The following CCNY variants were observed in gnomAD, a reference collection of about 807,000 sequenced individuals.
CCNY encodes the protein cyclin Y.
A neutral mutation model predicts 42.8 loss-of-function variants in CCNY; 19 were observed. The observed-to-expected ratio is 0.44, with a 90% CI of 0.31 to 0.65. CCNY has a LOEUF of 0.65. Among genes scored for constraint, CCNY ranks in the 30% least tolerant of loss-of-function variants. CCNY has a pLI of 0.07. For synonymous variants in CCNY, 165 were observed against 162.7 expected (o/e 1.01, Z -0.11); for missense variants, 370 against 437.3 (o/e 0.85, Z 1.37).
At chr10:35,452,416 C>G (rs567317267) in intron 1 of CCNY, among the ~76,000 whole-genome samples, 1 of 152,320 alleles carries the variant, frequency 6.6e-6, no homozygotes, top group South Asian at 2.1e-4. Context: ...TAGTTCCTGT[C>G]AGATCAGTAA....
chr10:35,447,370 CAGG>C (rs1838815650), intron 1 of CCNY, among the ~76,000 whole-genome samples: 2 of 152,134 alleles, frequency 1.3e-5, no homozygotes, highest in African/African-American at 4.8e-5. Flanking sequence ...TTCAAAAAGA[CAGG>C]AGGCTTTACT....
chr10:35,543,705 TA>T (rs1055630177), intron 7 of CCNY, among the ~76,000 whole-genome samples: 88 of 130,744 alleles, frequency 6.7e-4, no homozygotes, highest in Admixed American at 1.1e-3. Context: ...CTACTTATTT[TA>T]AAAAAAAAAA....
At chr10:35,409,436 A>AG (rs916234807) in intron 1 of CCNY, among the ~76,000 whole-genome samples, 1 of 152,174 alleles carries the variant, frequency 6.6e-6, no homozygotes, top group Non-Finnish European at 1.5e-5. Context: ...CATCTGTGTT[A>AG]GGGCCAATAC....
intron 1 of CCNY, among the ~76,000 whole-genome samples, chr10:35,482,539 A>G (rs1839691612): frequency 6.6e-6 from 1 of 152,136 alleles, no homozygotes; most frequent in African/African-American, 2.4e-5. Flanking sequence ...AGCTTGTTCT[A>G]AGAGTTCTAA....
intron 1 of CCNY, among the ~76,000 whole-genome samples, chr10:35,440,498 G>A (rs1174852211): frequency 1.3e-5 from 2 of 152,194 alleles, no homozygotes; most frequent in Non-Finnish European, 2.9e-5. Context: ...AAAACAGCCT[G>A]GCCTGGATCT....
intron 1 of CCNY, among the ~76,000 whole-genome samples, chr10:35,438,034 G>A (rs945659579): frequency 3.3e-5 from 5 of 152,022 alleles, no homozygotes; most frequent in African/African-American, 9.7e-5. Context: ...ACCAGCTTCT[G>A]TGTGTCTCTC....
At chr10:35,540,854 C>T (rs950248737) in intron 7 of CCNY, among the ~76,000 whole-genome samples, 2 of 152,086 alleles carry the variant, frequency 1.3e-5, no homozygotes, top group Non-Finnish European at 2.9e-5. Context: ...TCTGTAAAGT[C>T]TATAATGTCC....
chr10:35,514,969 G>A (rs766697247), intron 3 of CCNY, among the ~76,000 whole-genome samples: 3 of 152,138 alleles, frequency 2.0e-5, no homozygotes, highest in East Asian at 1.9e-4. Context: ...GCTTTAGTGC[G>A]TCTTCTGTGA....
chr10:35,540,814 C>G (rs1184167469), intron 7 of CCNY, among the ~76,000 whole-genome samples: 1 of 152,106 alleles, frequency 6.6e-6, no homozygotes, highest in Admixed American at 6.6e-5. Context: ...TGCAGTTGTT[C>G]CACAGTATTC....
intron 7 of CCNY, among the ~76,000 whole-genome samples, chr10:35,533,772 G>A (rs1461774700): frequency 2.0e-5 from 3 of 152,188 alleles, no homozygotes; most frequent in African/African-American, 7.2e-5. Context: ...TAAGCCCCAT[G>A]CGTAAGAAAT....
At chr10:35,271,732 TA>T (rs770224237) in intron 3 of CCNY, among the ~76,000 whole-genome samples, 125 of 152,266 alleles carry the variant, frequency 8.2e-4, no homozygotes, top group Middle Eastern at 3.4e-3. Context: ...CTGGGGCTTG[TA>T]ATCCATTTCC....
chr10:35,498,867 T>C (rs1253073307), intron 2 of CCNY, among the ~76,000 whole-genome samples: 1 of 152,214 alleles, frequency 6.6e-6, no homozygotes, highest in Non-Finnish European at 1.5e-5. Flanking sequence ...CCCAGGTTGC[T>C]CTGAGGAAAT....
intron 3 of CCNY, among the ~76,000 whole-genome samples, chr10:35,278,120 A>C (rs1311269406): frequency 6.6e-6 from 1 of 152,096 alleles, no homozygotes. Flanking sequence ...TCGGGAGAAG[A>C]GGGGAAGAGA....
In CCNY at chr10:35,464,409, C is replaced by T. The variant is rs114490866; in HGVS notation, c.155-18995C>T. 5.0e-3 allele frequency among the ~76,000 whole-genome samples: 767 copies of T among 152,234 alleles called. 8 individuals carry two copies. The highest frequency in any genetic ancestry group is 0.016 in the African/African-American group (683 of 41,542). On this transcript the variant is annotated intron_variant, in intron 1 of 9. Coordinates refer to ENST00000374704, the MANE Select transcript of CCNY (RefSeq NM_145012.6). ...TGGGCTCATTTTTTTCACCAGCGTG[C>T]GGTCATAATGGTGTTTTTAAAGTGT...
At chr10:35,566,889 T>C (rs1219106658) in intron 9 of CCNY, among the ~76,000 whole-genome samples, 2 of 151,776 alleles carry the variant, frequency 1.3e-5, no homozygotes, top group Non-Finnish European at 2.9e-5. Context: ...TTTGTATTTT[T>C]AGTAGAGATG....
chr10:35,515,929 G>GT (rs1280689482), intron 3 of CCNY, among the ~76,000 whole-genome samples: 2 of 152,176 alleles, frequency 1.3e-5, no homozygotes, highest in Non-Finnish European at 2.9e-5. Flanking sequence ...TCATTCATTG[G>GT]TTGTATTTTC....
At chr10:35,264,826 G>A (rs557076405) in intron 3 of CCNY, among the ~76,000 whole-genome samples, 4 of 151,716 alleles carry the variant, frequency 2.6e-5, no homozygotes, top group South Asian at 4.2e-4. Context: ...GGCTAATTTC[G>A]CCAAGTTCGC....
intron 3 of CCNY, among the ~76,000 whole-genome samples, chr10:35,514,515 C>G (rs1840390081): frequency 6.6e-6 from 1 of 152,126 alleles, no homozygotes; most frequent in African/African-American, 2.4e-5. Context: ...TGGTGCCCTC[C>G]CTGTCAACTC....
At chr10:35,555,632 A>T (rs974522779) in intron 8 of CCNY, among the ~76,000 whole-genome samples, 4 of 152,242 alleles carry the variant, frequency 2.6e-5, no homozygotes, top group African/African-American at 9.6e-5. Flanking sequence ...TAAGATGCCC[A>T]GGTGACTTGA....
Sources: allele counts gnomAD v4.1 joint callset (sites outside exome capture counted in the v4.1 genomes callset), GRCh38; gene constraint gnomAD v4.1.1; transcripts MANE v1.5; gene names NCBI Gene and HGNC (gene_info 2026-07-23, HGNC 2026-07-21).